The following TMC7 variants were observed in gnomAD, a reference collection of about 807,000 sequenced individuals.
TMC7 encodes transmembrane channel-like protein 7.
TMC7 carries 54 observed loss-of-function variants against 82.9 expected under a neutral mutation model. The observed-to-expected ratio is 0.65, with a 90% CI of 0.52 to 0.82. The LOEUF is 0.82. TMC7 is among the 40% of genes least tolerant of loss of function. The probability of loss-of-function intolerance (pLI) is 0.00; values close to 1 mark genes in which losing one functional copy is unlikely to be tolerated. For missense variants in TMC7, 820 were observed against 901.2 expected (o/e 0.91, Z 1.15); for synonymous variants, 350 against 337.9 (o/e 1.04, Z -0.39).
chr16:18,989,777 C>G (rs908347515), intron 1 of TMC7, among the ~76,000 whole-genome samples: 8 of 149,676 alleles, frequency 5.3e-5, no homozygotes, highest in Non-Finnish European at 1.2e-4. Flanking sequence ...GAAGAGTGGC[C>G]TGCTCAGGTG....
intron 1 of TMC7, among the ~76,000 whole-genome samples, chr16:18,989,968 G>A (rs1259424314): frequency 6.6e-6 from 1 of 151,930 alleles, no homozygotes; most frequent in African/African-American, 2.4e-5. Context: ...GGGTGCAGGC[G>A]GGCTGAGTCC....
At position 19,021,675 on chromosome 16, in the gene TMC7, C is replaced by T; in HGVS notation, c.507C>T (p.Phe169=). ...GIQSYFSFLR[F]LVLLNLVIFL... is the part of the protein sequence containing the mutation. ...AGTCCTATTTCTCCTTCTTGAGATT[C>T]CTGGTGTTGCTGAATTTGGTGATAT... Residue 169 remains phenylalanine (F), a synonymous_variant, in exon 4 of 16, where the codon TTC becomes TTT. Coordinates refer to ENST00000304381, the MANE Select transcript of TMC7 (RefSeq NM_024847.4). The T allele has an allele frequency of 1.9e-6, 3 of 1,614,054 alleles. No homozygotes were observed. The highest frequency in any genetic ancestry group is 2.5e-6 in the Non-Finnish European group (3 of 1,180,000).
In TMC7 at chr16:19,007,684, T is replaced by A. The variant is rs866017447; in HGVS notation, c.68-1488T>A. ...GACTCCGTCTCAAAAAAAAAAAAAATAAATAAATAAAATAAAGAGAGACAA... is the reference window on the plus strand; with the variant it reads ...GACTCCGTCTCAAAAAAAAAAAAAAAAAATAAATAAAATAAAGAGAGACAA... On this transcript the variant is annotated intron_variant, in intron 1 of 15. Coordinates refer to ENST00000304381, the MANE Select transcript of TMC7 (RefSeq NM_024847.4). Among the ~76,000 whole-genome samples the A allele has an allele frequency of 2.9e-3, 420 of 147,034 alleles. 2 individuals carry two copies. Among genetic ancestry groups the A allele is most frequent in the African/African-American group, 9.9e-3 (378 of 38,018 alleles).
At chr16:19,003,979 C>T (rs886137097) in intron 1 of TMC7, among the ~76,000 whole-genome samples, 1 of 139,480 alleles carries the variant, frequency 7.2e-6, no homozygotes. Context: ...ACTATTGTCC[C>T]ATGACCCTGC....
chr16:18,992,393 T>G (rs2038967927), intron 1 of TMC7, among the ~76,000 whole-genome samples: 1 of 152,264 alleles, frequency 6.6e-6, no homozygotes, highest in African/African-American at 2.4e-5. Context: ...CTTAAATGTC[T>G]TCTTTTGAGA....
chr16:19,028,247 C>CA lies in TMC7; in HGVS notation c.712-1976dup, dbSNP rs138908603. ...TTCAATCATTCCCACCATAAGAAGT[C>CA]AGTCAGCCGGGCACAGTGGCTCAAA... On this transcript the variant is annotated intron_variant, in intron 5 of 15. Transcript: ENST00000304381. Among the ~76,000 whole-genome samples, 749 of 152,182 alleles carry CA rather than the reference C, an allele frequency of 4.9e-3. 4 individuals carry two copies. The highest frequency in any genetic ancestry group is 0.017 in the African/African-American group (718 of 41,536).
chr16:19,008,078 C>T (rs1314627809), intron 1 of TMC7, among the ~76,000 whole-genome samples: 1 of 152,098 alleles, frequency 6.6e-6, no homozygotes, highest in Non-Finnish European at 1.5e-5. Context: ...GATCATGAAG[C>T]TTTGCTGCAT....
At chr16:18,987,569 G>A (rs1322053578) in intron 1 of TMC7, among the ~76,000 whole-genome samples, 1 of 152,080 alleles carries the variant, frequency 6.6e-6, no homozygotes, top group Non-Finnish European at 1.5e-5. Context: ...GCCTCCCAAA[G>A]TACTGGGATT....
In TMC7 at chr16:18,984,569, T is replaced by C. The variant is rs74014425; in HGVS notation, c.67+439T>C. 7,750 of 989,652 alleles carry C rather than the reference T, an allele frequency of 7.8e-3. 445 individuals are homozygous for C. The African/African-American group carries it at 0.12, about 16-fold the overall frequency. The allele number at this position is 989,652 out of a possible 1,614,324, so 61.3% of individuals were successfully genotyped here. ...GAATTCTGCCTTGTCTGTTTATTGCTGTGGGACCTTTGGTAAGTGGCTTGC... is the reference window on the plus strand; with the variant it reads ...GAATTCTGCCTTGTCTGTTTATTGCCGTGGGACCTTTGGTAAGTGGCTTGC... On this transcript the variant is annotated intron_variant, in intron 1 of 15. Transcript: ENST00000304381.
chr16:19,024,699 C>T (rs1357074614), intron 5 of TMC7, among the ~76,000 whole-genome samples: 1 of 151,984 alleles, frequency 6.6e-6, no homozygotes, highest in African/African-American at 2.4e-5. Flanking sequence ...GCGTGCACTA[C>T]ACTTGGCTAA....
chr16:19,009,061 C>T, intron 1 of TMC7, 111 bp from the exon 2 acceptor site: 2 of 1,241,426 alleles, frequency 1.6e-6, no homozygotes, highest in South Asian at 1.4e-5. Flanking sequence ...TCGTCACTGA[C>T]CCAGGCTAGT....
At chr16:19,027,816 T>C (rs1960306046) in intron 5 of TMC7, among the ~76,000 whole-genome samples, 1 of 152,106 alleles carries the variant, frequency 6.6e-6, no homozygotes. Flanking sequence ...ATATGCACAA[T>C]TGTATAACGT....
At chr16:18,987,644 CAG>C (rs1224804202) in intron 1 of TMC7, among the ~76,000 whole-genome samples, 1 of 152,166 alleles carries the variant, frequency 6.6e-6, no homozygotes, top group African/African-American at 2.4e-5. Flanking sequence ...CCTTGGAAAA[CAG>C]GGGCTTTGCC....
chr16:19,040,862 C>T (rs1960978524), intron 9 of TMC7, among the ~76,000 whole-genome samples: 1 of 150,394 alleles, frequency 6.6e-6, no homozygotes, highest in Admixed American at 6.6e-5. Flanking sequence ...TTATTTCAAA[C>T]ATTTTTTATT....
intron 12 of TMC7, among the ~76,000 whole-genome samples, chr16:19,049,449 C>T (rs78426844): frequency 0.043 from 6,500 of 152,264 alleles, 191 homozygotes; most frequent in South Asian, 0.12. Context: ...AAGCTCTTAA[C>T]CCAGTAAGCA....
chr16:19,035,525 A>T, intron 6 of TMC7, 151 bp from the exon 7 acceptor site: 1 of 777,334 alleles, frequency 1.3e-6, no homozygotes, highest in Non-Finnish European at 2.1e-6. Flanking sequence ...GTTAGCTGCC[A>T]CATATATTTA....
At chr16:19,050,571 C>T (rs1477840093) in intron 12 of TMC7, among the ~76,000 whole-genome samples, 2 of 151,954 alleles carry the variant, frequency 1.3e-5, no homozygotes, top group Admixed American at 1.3e-4. Flanking sequence ...TCACTACAGC[C>T]TCAACCTCCT....
At chr16:19,015,723 G>A (rs138816765) in intron 2 of TMC7, among the ~76,000 whole-genome samples, 1,567 of 151,982 alleles carry the variant, frequency 0.01, 20 homozygotes, top group Admixed American at 0.03. Flanking sequence ...AATTACAGAC[G>A]CCCACCACCA....
At chr16:18,996,159 C>T (rs552208899) in intron 1 of TMC7, among the ~76,000 whole-genome samples, 5 of 152,048 alleles carry the variant, frequency 3.3e-5, no homozygotes, top group South Asian at 2.1e-4. Flanking sequence ...TGGGGAGCAG[C>T]GGCTGAGGAA....
Sources: gnomAD v4.1 joint callset for allele counts (sites outside exome capture counted in the v4.1 genomes callset) on GRCh38, gnomAD v4.1.1 for gene constraint, MANE v1.5 for transcripts, NCBI Gene and HGNC (gene_info 2026-07-23, HGNC 2026-07-21) for gene names.